The following THNSL1 variants were observed in gnomAD, a reference collection of about 807,000 sequenced individuals.
THNSL1 encodes threonine synthase like 1, also known as threonine synthase-like 1.
A neutral mutation model predicts 50.4 loss-of-function variants in THNSL1; 48 were observed. The observed-to-expected ratio is 0.95, with a 90% CI of 0.76 to 1.21. THNSL1 has a LOEUF of 1.21. Among genes scored for constraint, THNSL1 ranks in the 50% most tolerant of loss-of-function variants. The probability of loss-of-function intolerance (pLI) is 0.00; values close to 1 mark genes in which losing one functional copy is unlikely to be tolerated. For synonymous variants in THNSL1, 309 were observed against 306.1 expected (o/e 1.01, Z -0.10); for missense variants, 896 against 871.7 (o/e 1.03, Z -0.35).
chr10:25,023,924 C>G lies in THNSL1; in HGVS notation c.701C>G (p.Thr234Arg), dbSNP rs760153062. The change falls in exon 3 of 3, where the codon ACA (threonine) becomes AGA (arginine). Residue 234 changes from threonine to arginine, a missense_variant. Coordinates refer to ENST00000376356, the MANE Select transcript of THNSL1 (RefSeq NM_024838.5). Reference sequence around the variant, plus strand: ...GTGGACTCGGAAACATTCATTTCAACAAGACACGTTTGGCCTGAAGACTGT... The same window carrying G: ...GTGGACTCGGAAACATTCATTTCAAGAAGACACGTTTGGCCTGAAGACTGT... ...QDVDSETFIS[T>R]RHVWPEDCEQ... 1.2e-5 allele frequency: 19 copies of G among 1,614,146 alleles called. No homozygotes were observed. The Admixed American group carries it at 3.2e-4, about 27-fold the overall frequency.
At chr10:24,990,964 G>T in the THNSL1 span, among the ~76,000 whole-genome samples, 8 of 152,200 alleles carry the variant, frequency 5.3e-5, no homozygotes, top group Admixed American at 5.2e-4. Context: ...GCCAGGCATC[G>T]TGGCATGTGC....
At chr10:25,007,129 G>A in the THNSL1 span, among the ~76,000 whole-genome samples, 1 of 152,106 alleles carries the variant, frequency 6.6e-6, no homozygotes, top group Non-Finnish European at 1.5e-5. Context: ...GAGTCATCAT[G>A]TCTAGACAGT....
At chr10:24,988,664 GTATATATATA>G in the THNSL1 span, among the ~76,000 whole-genome samples, 27 of 98,868 alleles carry the variant, frequency 2.7e-4, no homozygotes, top group African/African-American at 4.2e-4. Context: ...CACAGCATAT[GTATATATATA>G]TATATATATA....
chr10:24,969,140 C>T, the THNSL1 span, among the ~76,000 whole-genome samples: 5,693 of 152,214 alleles, frequency 0.037, 147 homozygotes, highest in Non-Finnish European at 0.059. Context: ...GTGATCCACC[C>T]GCCGCGGCCT....
At chr10:25,022,641 T>C (rs986908909) in intron 2 of THNSL1, among the ~76,000 whole-genome samples, 2 of 152,226 alleles carry the variant, frequency 1.3e-5, no homozygotes, top group Non-Finnish European at 2.9e-5. Flanking sequence ...TTTCCTGTTA[T>C]GACTTCTATA....
At chr10:24,957,825 A>T in the THNSL1 span, among the ~76,000 whole-genome samples, 1 of 152,198 alleles carries the variant, frequency 6.6e-6, no homozygotes, top group Non-Finnish European at 1.5e-5. Context: ...GTCTAGTTTC[A>T]TTCTTCCACA....
At chr10:24,978,432 G>T in the THNSL1 span, among the ~76,000 whole-genome samples, 1 of 142,314 alleles carries the variant, frequency 7.0e-6, no homozygotes, top group East Asian at 2.1e-4. Flanking sequence ...TCTCTCTCCT[G>T]TCCTCTCTCT....
At chr10:24,971,059 G>T in the THNSL1 span, among the ~76,000 whole-genome samples, 1 of 151,872 alleles carries the variant, frequency 6.6e-6, no homozygotes. Context: ...GCCAAACTAC[G>T]TGTTTACTAA....
the THNSL1 span, among the ~76,000 whole-genome samples, chr10:24,998,728 A>G: frequency 6.6e-5 from 10 of 152,028 alleles, no homozygotes; most frequent in Admixed American, 4.6e-4. Flanking sequence ...CTTTCCTGAA[A>G]TCATTCAAAA....
Position 25,026,113 on chromosome 10 carries a change from A to C in THNSL1, c.*658A>C, listed in dbSNP as rs1017723538. On this transcript the variant is annotated 3_prime_UTR_variant, in exon 3 of 3. Transcript: ENST00000376356. ...AGGCTGATCTTGAACCTCTGACCTCAGGTGATCCATCCACCTCGGCCTCCC... is the reference window on the plus strand; with the variant it reads ...AGGCTGATCTTGAACCTCTGACCTCCGGTGATCCATCCACCTCGGCCTCCC... The C allele has an allele frequency of 1.9e-5, 3 of 157,726 alleles. No individual in the cohort carries two copies. Among genetic ancestry groups the C allele is most frequent in the African/African-American group, 7.2e-5 (3 of 41,472 alleles). 9.8% of individuals were successfully genotyped at this position (157,726 alleles called of 1,614,324 possible).
At chr10:24,961,539 T>C in the THNSL1 span, among the ~76,000 whole-genome samples, 1 of 152,198 alleles carries the variant, frequency 6.6e-6, no homozygotes, top group Admixed American at 6.5e-5. Flanking sequence ...TAGTGTCTTT[T>C]TTTTTCAATG....
At chr10:24,973,536 A>G in the THNSL1 span, among the ~76,000 whole-genome samples, 1 of 152,210 alleles carries the variant, frequency 6.6e-6, no homozygotes, top group Non-Finnish European at 1.5e-5. Flanking sequence ...AAAACTGCAG[A>G]AACTGAAACC....
At chr10:24,957,854 C>T in the THNSL1 span, among the ~76,000 whole-genome samples, 7 of 152,156 alleles carry the variant, frequency 4.6e-5, no homozygotes, top group Admixed American at 2.0e-4. Context: ...TTCAGTTTTC[C>T]CATCACCGTG....
At chr10:24,999,410 G>C in the THNSL1 span, 1 of 1,607,120 alleles carries the variant, frequency 6.2e-7, no homozygotes. Flanking sequence ...CTGGGTGGTA[G>C]AGTTTTTTCC....
the THNSL1 span, among the ~76,000 whole-genome samples, chr10:24,975,594 G>T: frequency 1.3e-5 from 2 of 151,980 alleles, no homozygotes; most frequent in East Asian, 3.9e-4. Context: ...GTGAGTTCTC[G>T]TGAGATCTCA....
the THNSL1 span, among the ~76,000 whole-genome samples, chr10:25,005,045 G>A: frequency 6.6e-6 from 1 of 152,126 alleles, no homozygotes; most frequent in Non-Finnish European, 1.5e-5. Flanking sequence ...TGTTTGTCGG[G>A]TTTGTCAAGG....
the THNSL1 span, among the ~76,000 whole-genome samples, chr10:25,010,473 TAG>T: frequency 1.3e-5 from 2 of 152,160 alleles, no homozygotes; most frequent in East Asian, 3.9e-4. Context: ...CTTTAAGTTT[TAG>T]GGTACATGTG....
chr10:25,026,234 A>C lies in THNSL1; in HGVS notation c.*779A>C, dbSNP rs778117579. On this transcript the variant is annotated 3_prime_UTR_variant, in exon 3 of 3. Coordinates refer to ENST00000376356, the MANE Select transcript of THNSL1 (RefSeq NM_024838.5). ...CCATTTTGGACTACAACTAATGTGT[A>C]TCTCACACTGTCCAAATTAAAGATG... 6.0e-6 allele frequency: 1 copy of C among 166,916 alleles called. No individual in the cohort carries two copies. Among genetic ancestry groups the C allele is most frequent in the Non-Finnish European group, 1.5e-5 (1 of 68,144 alleles). 10.3% of individuals were successfully genotyped at this position (166,916 alleles called of 1,614,324 possible). A position where few individuals can be genotyped will look rare whatever the true frequency, so the allele number is the denominator to read the frequency against.
At chr10:24,960,271 A>C in the THNSL1 span, among the ~76,000 whole-genome samples, 14,829 of 152,062 alleles carry the variant, frequency 0.098, 2,376 homozygotes, top group African/African-American at 0.34. Context: ...GTGGTATTAA[A>C]AGTCATACAA....
Sources: allele counts gnomAD v4.1 joint callset (sites outside exome capture counted in the v4.1 genomes callset), GRCh38; gene constraint gnomAD v4.1.1; transcripts MANE v1.5; gene names NCBI Gene and HGNC (gene_info 2026-07-23, HGNC 2026-07-21).